Variants in SGCD observed in about 807,000 individuals in gnomAD.
The protein encoded by SGCD is delta-sarcoglycan.
Under a neutral mutation model 36.6 loss-of-function variants are expected in SGCD, and 18 were observed. The ratio of observed to expected loss-of-function variants is 0.49; its 90% CI spans 0.34 to 0.73. The LOEUF is 0.73. Among genes scored for constraint, SGCD ranks in the 30% least tolerant of loss-of-function variants. The pLI is 0.01. For synonymous variants in SGCD, 133 were observed against 130.6 expected (o/e 1.02, Z -0.12); for missense variants, 387 against 346.7 (o/e 1.12, Z -0.92).
chr5:155,971,612 C>CT (rs1758007491), intron 1 of SGCD, among the ~76,000 whole-genome samples: 1 of 152,004 alleles, frequency 6.6e-6, no homozygotes, highest in Non-Finnish European at 1.5e-5. Flanking sequence ...ACAAACCTGC[C>CT]TGCAGATGCA....
chr5:156,731,776 T>G (rs1425236158), intron 7 of SGCD, among the ~76,000 whole-genome samples: 4 of 152,214 alleles, frequency 2.6e-5, no homozygotes, highest in African/African-American at 9.6e-5. Flanking sequence ...GTATGGCTAT[T>G]TTCACAATAT....
intron 1 of SGCD, among the ~76,000 whole-genome samples, chr5:156,073,778 A>C (rs1760671103): frequency 1.3e-5 from 2 of 152,314 alleles, no homozygotes; most frequent in East Asian, 3.9e-4. Flanking sequence ...TAAAGCAGTC[A>C]ATTTCACCTG....
Position 156,067,902 on chromosome 5 carries a change from G to A in SGCD, c.-281-49976G>A, listed in dbSNP as rs935515134. On this transcript the variant is annotated intron_variant, in intron 1 of 9. Coordinates refer to the SGCD transcript ENST00000517913. The stretch of plus-strand genomic sequence containing the variant: ...GGAAATGCAGAAATCACCGTCTTCT[G>A]CGTCGCTCACGCTGGGAGCTGTAGA... 2.1e-5 allele frequency among the ~76,000 whole-genome samples: 3 copies of A among 145,242 alleles called. 1 individual carries two copies. Among genetic ancestry groups the A allele is most frequent in the African/African-American group, 5.5e-5 (2 of 36,302 alleles).
At chr5:155,864,980 C>T in the SGCD span, among the ~76,000 whole-genome samples, 3 of 152,126 alleles carry the variant, frequency 2.0e-5, no homozygotes, top group African/African-American at 7.2e-5. Flanking sequence ...CAAAACAACT[C>T]TGTAACAACA....
At chr5:156,468,605 A>G (rs1324856598) in intron 3 of SGCD, among the ~76,000 whole-genome samples, 4 of 152,184 alleles carry the variant, frequency 2.6e-5, no homozygotes, top group African/African-American at 9.6e-5. Flanking sequence ...GGTGTTTTAT[A>G]CTGCACAGGT....
Position 156,551,962 on chromosome 5 carries a change from T to C in SGCD, c.295-37269T>C, listed in dbSNP as rs189564828. On this transcript the variant is annotated intron_variant, in intron 4 of 8. Coordinates refer to ENST00000337851, the MANE Select transcript of SGCD (RefSeq NM_000337.6). ...CCTGAAAAAATGGGGTTCTTGTTTA[T>C]TTTCCTATTCATTTGACTTGATCAC... Among the ~76,000 whole-genome samples the C allele has an allele frequency of 4.5e-3, 688 of 152,328 alleles. 5 individuals carry two copies. Among genetic ancestry groups the C allele is most frequent in the Middle Eastern group, 0.014 (4 of 294 alleles).
At chr5:156,664,805 G>A (rs1183598875) in intron 7 of SGCD, among the ~76,000 whole-genome samples, 3 of 133,726 alleles carry the variant, frequency 2.2e-5, no homozygotes, top group Non-Finnish European at 3.2e-5. Context: ...GGTCCATACT[G>A]TTTTACTCCC....
At chr5:156,253,522 G>A (rs1166699057) in intron 3 of SGCD, among the ~76,000 whole-genome samples, 2 of 152,090 alleles carry the variant, frequency 1.3e-5, no homozygotes. Context: ...GACATATTTC[G>A]GTTACCTTGT....
chr5:156,539,101 G>T (rs200648020), intron 4 of SGCD, among the ~76,000 whole-genome samples: 1 of 151,962 alleles, frequency 6.6e-6, no homozygotes, highest in East Asian at 1.9e-4. Context: ...CACTTACTTT[G>T]CTGATATCTA....
At chr5:156,268,579 C>G (rs942421256) in intron 3 of SGCD, among the ~76,000 whole-genome samples, 4 of 150,986 alleles carry the variant, frequency 2.6e-5, no homozygotes, top group Non-Finnish European at 4.4e-5. Context: ...TCCTTCCTTC[C>G]TTCCTTCCTT....
chr5:156,245,420 A>G (rs1321333261), intron 3 of SGCD, among the ~76,000 whole-genome samples: 1 of 152,204 alleles, frequency 6.6e-6, no homozygotes, highest in African/African-American at 2.4e-5. Context: ...TGTTGAGATA[A>G]TAGAACCAGG....
chr5:156,359,535 G>T (rs995516374), intron 3 of SGCD, among the ~76,000 whole-genome samples: 2 of 152,150 alleles, frequency 1.3e-5, no homozygotes, highest in African/African-American at 4.8e-5. Context: ...GTAAGTCGCA[G>T]AGCTGGGATA....
intron 1 of SGCD, among the ~76,000 whole-genome samples, chr5:156,073,245 A>C (rs1388371193): frequency 6.6e-6 from 1 of 152,094 alleles, no homozygotes; most frequent in Non-Finnish European, 1.5e-5. Context: ...TCTGTATCTT[A>C]CCTGATTTCC....
the SGCD span, among the ~76,000 whole-genome samples, chr5:155,797,458 A>G: frequency 2.0e-5 from 3 of 152,248 alleles, no homozygotes; most frequent in Non-Finnish European, 4.4e-5. Context: ...CATTTTAAGT[A>G]TATAGCCATG....
intron 6 of SGCD, among the ~76,000 whole-genome samples, chr5:156,607,980 T>C (rs1442082175): frequency 6.6e-6 from 1 of 152,296 alleles, no homozygotes; most frequent in South Asian, 2.1e-4. Flanking sequence ...TTTGTTGATC[T>C]TTTCAAAAAA....
intron 4 of SGCD, among the ~76,000 whole-genome samples, chr5:156,540,047 A>G (rs553565988): frequency 6.6e-6 from 1 of 152,238 alleles, no homozygotes; most frequent in African/African-American, 2.4e-5. Flanking sequence ...AACATAAACA[A>G]TTGTCAATTT....
intron 3 of SGCD, among the ~76,000 whole-genome samples, chr5:156,359,429 G>A (rs574335784): frequency 6.6e-6 from 1 of 152,260 alleles, no homozygotes; most frequent in East Asian, 1.9e-4. Context: ...TCTAATCTCT[G>A]TAACAGCCCT....
chr5:155,857,359 T>C, the SGCD span, among the ~76,000 whole-genome samples: 1 of 152,212 alleles, frequency 6.6e-6, no homozygotes, highest in African/African-American at 2.4e-5. Context: ...CAGCTTACTT[T>C]GCTATGGACA....
intron 2 of SGCD, among the ~76,000 whole-genome samples, chr5:156,122,843 TA>T (rs33983852): frequency 5.5e-5 from 3 of 54,164 alleles, no homozygotes; most frequent in African/African-American, 8.1e-5. Context: ...AAAGATGTGG[TA>T]AAAAAAAAAA....
Sources: gnomAD v4.1 joint callset for allele counts (sites outside exome capture counted in the v4.1 genomes callset) on GRCh38, gnomAD v4.1.1 for gene constraint, MANE v1.5 for transcripts, NCBI Gene and HGNC (gene_info 2026-07-23, HGNC 2026-07-21) for gene names.